The following KLHL29 variants were observed in gnomAD, a reference collection of about 807,000 sequenced individuals.
KLHL29 encodes the protein kelch-like protein 29.
A neutral mutation model predicts 80.4 loss-of-function variants in KLHL29; 21 were observed. The observed-to-expected ratio is 0.26, with a 90% CI of 0.19 to 0.38. The LOEUF is 0.38. KLHL29 is among the 10% of genes least tolerant of loss of function. The pLI is 1.00. For missense variants in KLHL29, 867 were observed against 1,223.9 expected, an observed-to-expected ratio of 0.71 and a Z score of 4.35; for synonymous variants, 511 against 526.8, an observed-to-expected ratio of 0.97 and a Z score of 0.41.
At chr2:23,586,656 C>T (rs998823198) in intron 3 of KLHL29, among the ~76,000 whole-genome samples, 23 of 152,238 alleles carry the variant, frequency 1.5e-4, no homozygotes, top group Admixed American at 7.8e-4. Flanking sequence ...CCACCGCGCC[C>T]GGCCAGCGTT....
intron 2 of KLHL29, among the ~76,000 whole-genome samples, chr2:23,540,526 T>C (rs942955649): frequency 1.2e-4 from 19 of 152,324 alleles, no homozygotes; most frequent in Admixed American, 1.2e-3. Context: ...AAGAGTCACA[T>C]AGACACATCC....
chr2:23,653,796 G>C (rs1670154724), intron 5 of KLHL29, among the ~76,000 whole-genome samples: 1 of 152,162 alleles, frequency 6.6e-6, no homozygotes, highest in African/African-American at 2.4e-5. Flanking sequence ...CCACCCTCCA[G>C]GTCTCTACAA....
At chr2:23,547,766 A>T (rs1370161873) in intron 2 of KLHL29, among the ~76,000 whole-genome samples, 2 of 152,102 alleles carry the variant, frequency 1.3e-5, no homozygotes, top group Admixed American at 6.5e-5. Flanking sequence ...TGCTACTTAC[A>T]TCCTGCTGAG....
chr2:23,556,652 C>CAA lies in KLHL29; in HGVS notation c.-45-5488_-45-5487dup, dbSNP rs397687330. On this transcript the variant is annotated intron_variant, in intron 2 of 13. Transcript: ENST00000486442. ...TGGGTGACAGAGCAAGACTCCATCT[C>CAA]AAAAAAAAAAAAACAGAAAGACTTC... is the stretch of plus-strand genomic sequence containing the variant. 1.6e-3 allele frequency among the ~76,000 whole-genome samples: 217 copies of CAA among 132,580 alleles called. 1 individual carries two copies. The highest frequency in any genetic ancestry group is 5.4e-3 in the African/African-American group (197 of 36,316). 87.0% of individuals were successfully genotyped at this position (132,580 alleles called of 152,430 possible).
At chr2:23,588,799 C>G (rs1572420350) in intron 3 of KLHL29, among the ~76,000 whole-genome samples, 2 of 152,306 alleles carry the variant, frequency 1.3e-5, no homozygotes, top group East Asian at 3.9e-4. Context: ...TGAAATTGTG[C>G]CGGGCCTGGC....
intron 1 of KLHL29, among the ~76,000 whole-genome samples, chr2:23,393,824 G>A (rs560652059): frequency 6.6e-5 from 10 of 152,302 alleles, no homozygotes; most frequent in African/African-American, 1.7e-4. Flanking sequence ...AGGAGGTTTG[G>A]GGTGTGGGGA....
rs761054794 is a variant in KLHL29 at position 23,562,253 on chromosome 2, C to G, written c.57C>G (p.Arg19=). 1 of 1,550,346 alleles carries G rather than the reference C, an allele frequency of 6.5e-7. No individual in the cohort carries two copies. Among genetic ancestry groups the G allele is most frequent in the Admixed American group, 2.0e-5 (1 of 50,952 alleles). The change falls in exon 3 of 14, where the codon CGC becomes CGG. Residue 19 remains arginine, a synonymous_variant. Coordinates refer to ENST00000486442, the MANE Select transcript of KLHL29 (RefSeq NM_052920.2). This position sits in a 1 kb window ranked among gnomAD's most constrained non-coding sequence, Gnocchi z 4.5. ...ATTACCGGGTGGGCTGGGACCGCCG[C>G]GAATGGAGCGTCAACGGGACGCATG... ...ERDYRVGWDR[R]EWSVNGTHGT... is the part of the protein sequence containing the mutation.
rs574305273 is a variant in KLHL29, at chr2:23,436,593, C to T, written c.-153-38967C>T. On this transcript the variant is annotated intron_variant, in intron 1 of 13. Transcript: ENST00000486442. ...TGGGCGGCTCTTGTCGTTAGCAGTACAAAGCCACAGGTGCGCATTCAGCGC... is the reference window on the plus strand; with the variant it reads ...TGGGCGGCTCTTGTCGTTAGCAGTATAAAGCCACAGGTGCGCATTCAGCGC... Among the ~76,000 whole-genome samples the T allele has an allele frequency of 3.3e-5, 5 of 152,118 alleles. No individual in the cohort carries two copies. In the South Asian group the frequency reaches 6.2e-4, roughly 19 times the overall value.
intron 5 of KLHL29, among the ~76,000 whole-genome samples, chr2:23,671,776 C>A (rs960512713): frequency 6.6e-6 from 1 of 152,202 alleles, no homozygotes; most frequent in African/African-American, 2.4e-5. Flanking sequence ...AGATGCAGAG[C>A]CAGCCACTTC....
intron 5 of KLHL29, among the ~76,000 whole-genome samples, chr2:23,673,525 T>G (rs1252466112): frequency 1.3e-5 from 2 of 148,576 alleles, no homozygotes; most frequent in Non-Finnish European, 3.0e-5. Context: ...CATACACATA[T>G]GCATACATGA....
At chr2:23,481,428 A>G (rs908344907) in intron 2 of KLHL29, among the ~76,000 whole-genome samples, 1 of 152,356 alleles carries the variant, frequency 6.6e-6, no homozygotes, top group African/African-American at 2.4e-5. Context: ...GTGAAAACAA[A>G]TAGAGTAGAA....
chr2:23,572,637 A>T (rs1458968385), intron 3 of KLHL29, among the ~76,000 whole-genome samples: 1 of 152,140 alleles, frequency 6.6e-6, no homozygotes, highest in Non-Finnish European at 1.5e-5. Flanking sequence ...ATCCTTTGAC[A>T]TCATCTCAAC....
At chr2:23,493,998 T>A (rs1471643841) in intron 2 of KLHL29, among the ~76,000 whole-genome samples, 1 of 152,230 alleles carries the variant, frequency 6.6e-6, no homozygotes, top group Non-Finnish European at 1.5e-5. Context: ...TTAAATATAC[T>A]ACTGCTATCT....
At chr2:23,386,536 C>T (rs1666187233) in intron 1 of KLHL29, among the ~76,000 whole-genome samples, 1 of 152,050 alleles carries the variant, frequency 6.6e-6, no homozygotes, top group South Asian at 2.1e-4. Context: ...GAGGTGGTGT[C>T]GTTGGGGAGG....
chr2:23,403,274 C>A (rs937227883), intron 1 of KLHL29, among the ~76,000 whole-genome samples: 2 of 152,134 alleles, frequency 1.3e-5, no homozygotes, highest in African/African-American at 4.8e-5. Flanking sequence ...TCCATGCTGA[C>A]ATTAAGACTG....
intron 2 of KLHL29, among the ~76,000 whole-genome samples, chr2:23,532,962 C>G (rs577619023): frequency 3.4e-4 from 52 of 152,166 alleles, no homozygotes; most frequent in Non-Finnish European, 6.2e-4. Flanking sequence ...GCCTGGGGGC[C>G]GAGGGGAGGG....
intron 3 of KLHL29, among the ~76,000 whole-genome samples, chr2:23,566,771 A>T (rs1004166300): frequency 6.6e-5 from 10 of 152,216 alleles, no homozygotes; most frequent in African/African-American, 2.4e-4. Flanking sequence ...CATGGGGATG[A>T]TGTGAGAACT....
intron 2 of KLHL29, among the ~76,000 whole-genome samples, chr2:23,548,283 A>G (rs377126664): frequency 2.6e-5 from 4 of 151,066 alleles, no homozygotes; most frequent in Admixed American, 6.6e-5. Flanking sequence ...ACACAGGCGC[A>G]CACACACAAA....
intron 1 of KLHL29, among the ~76,000 whole-genome samples, chr2:23,429,332 A>G (rs1663101592): frequency 6.6e-6 from 1 of 152,168 alleles, no homozygotes; most frequent in African/African-American, 2.4e-5. Context: ...CTGTACAATG[A>G]TATGTGCTCC....
Sources: allele counts gnomAD v4.1 joint callset (sites outside exome capture counted in the v4.1 genomes callset), GRCh38; gene constraint gnomAD v4.1.1; non-coding constraint Gnocchi (gnomAD v3.1); transcripts MANE v1.5; gene names NCBI Gene and HGNC (gene_info 2026-07-23, HGNC 2026-07-21).